RICTOR: variants seen among roughly 807,000 people sequenced by gnomAD.
RICTOR encodes the protein RPTOR independent companion of MTOR complex 2, also known as rapamycin-insensitive companion of mTOR.
A neutral mutation model predicts 214.9 loss-of-function variants in RICTOR; 49 were observed. That is an observed-to-expected ratio of 0.23 (90% CI 0.18 to 0.29). The LOEUF (loss-of-function observed/expected upper bound fraction) is 0.29, where lower values mean the gene tolerates loss of function less well. Ranked by LOEUF, RICTOR falls within the 10% of genes least tolerant of loss-of-function variation. The pLI is 1.00. For synonymous variants in RICTOR, 717 were observed against 711.3 expected, an observed-to-expected ratio of 1.01 and a Z score of -0.13; for missense variants, 1,625 against 2,047.0, an observed-to-expected ratio of 0.79 and a Z score of 3.98.
chr5:38,996,025 T>C (rs1271130822), intron 6 of RICTOR, among the ~76,000 whole-genome samples: 1 of 152,046 alleles, frequency 6.6e-6, no homozygotes, highest in Non-Finnish European at 1.5e-5. Flanking sequence ...AACATAGAAA[T>C]TGAACAGTAC....
At position 38,959,934 on chromosome 5, in the gene RICTOR, C is replaced by A. The variant is rs1242323759; in HGVS notation, c.1896G>T (p.Gln632His). Residue 632 changes from glutamine to histidine, a missense_variant, in exon 21 of 38, where the codon CAG (glutamine) becomes CAT (histidine). Transcript: ENST00000357387. ...TCATTCCAGATGAAGCATTGAGCCA[C>A]TGAACAATATCCTTTACTAGATCTT... Reference protein sequence around the residue: ...YLEDLVKDIVQWLNASSGMKP... With the variant: ...YLEDLVKDIVHWLNASSGMKP... 6.2e-7 allele frequency: 1 copy of A among 1,613,200 alleles called. No homozygotes were observed. The highest frequency in any genetic ancestry group is 2.2e-5 in the East Asian group (1 of 44,808).
At chr5:38,957,836 T>C (rs1443023221) in intron 24 of RICTOR, 106 bp from the exon 25 acceptor site, 4 of 590,936 alleles carry the variant, frequency 6.8e-6, no homozygotes, top group Admixed American at 3.3e-5. Flanking sequence ...TAAAAGACTT[T>C]AGGAATAGTT....
At chr5:39,069,912 C>T (rs1344353690) in intron 2 of RICTOR, among the ~76,000 whole-genome samples, 2 of 152,220 alleles carry the variant, frequency 1.3e-5, no homozygotes, top group Non-Finnish European at 2.9e-5. Context: ...GACAGTTAAT[C>T]ATTCTCTCCT....
At chr5:38,968,144 A>G in intron 11 of RICTOR, 114 bp from the exon 12 acceptor site, 2 of 646,190 alleles carry the variant, frequency 3.1e-6, no homozygotes, top group South Asian at 1.8e-5. Context: ...ATACAATGAC[A>G]TGTCACATAA....
intron 2 of RICTOR, among the ~76,000 whole-genome samples, chr5:39,031,308 C>T (rs948588664): frequency 6.6e-6 from 1 of 152,166 alleles, no homozygotes; most frequent in Non-Finnish European, 1.5e-5. Context: ...CCTTTAAATT[C>T]TTTTCCACCT....
intron 3 of RICTOR, among the ~76,000 whole-genome samples, chr5:39,019,655 CCTA>C (rs1755245164): frequency 6.6e-6 from 1 of 152,092 alleles, no homozygotes; most frequent in South Asian, 2.1e-4. Flanking sequence ...TGACAATGCA[CCTA>C]GTCACCCAAG....
chr5:39,027,028 T>G (rs1363548029), intron 2 of RICTOR, among the ~76,000 whole-genome samples: 1 of 151,922 alleles, frequency 6.6e-6, no homozygotes, highest in African/African-American at 2.4e-5. Context: ...AAAAATAATG[T>G]ATTACTCTCA....
intron 2 of RICTOR, among the ~76,000 whole-genome samples, chr5:39,042,673 T>C (rs910364651): frequency 2.6e-5 from 4 of 152,232 alleles, no homozygotes; most frequent in Non-Finnish European, 4.4e-5. Flanking sequence ...TATCTCCCTA[T>C]ACCACAATTC....
At chr5:39,018,935 C>T (rs919068931) in intron 3 of RICTOR, among the ~76,000 whole-genome samples, 2 of 152,122 alleles carry the variant, frequency 1.3e-5, no homozygotes, top group Non-Finnish European at 2.9e-5. Context: ...AGAAAATTAA[C>T]AGTACTACTC....
chr5:38,969,039 G>T (rs938644045), intron 11 of RICTOR, among the ~76,000 whole-genome samples: 20 of 139,988 alleles, frequency 1.4e-4, no homozygotes, highest in African/African-American at 5.3e-4. Context: ...GCACAATCTC[G>T]GCTCACTGTA....
chr5:39,057,346 G>A (rs113729929), intron 2 of RICTOR, among the ~76,000 whole-genome samples: 10 of 152,062 alleles, frequency 6.6e-5, no homozygotes, highest in Non-Finnish European at 1.3e-4. Flanking sequence ...AAAAGAAAAC[G>A]ACATCTACTT....
Position 38,949,890 on chromosome 5 carries a change from T to C in RICTOR, c.3958A>G (p.Ser1320Gly). 1 of 1,613,438 alleles carries C rather than the reference T, an allele frequency of 6.2e-7. No homozygotes were observed. Among genetic ancestry groups the C allele is most frequent in the Non-Finnish European group, 8.5e-7 (1 of 1,179,544 alleles). The change falls in exon 31 of 38, where the codon AGT (serine) becomes GGT (glycine). Residue 1320 changes from serine to glycine, a missense_variant. This residue lies in a region of RICTOR where 1,214 missense variants were observed against 1,470.5 expected (regional missense o/e 0.83). Transcript: ENST00000357387. The stretch of plus-strand genomic sequence containing the variant: ...AAAGCATCTCTAGAACTTGTGTAAC[T>C]AAAGTTACAATCTGCTAGACTTTTA... ...TIKSLADCNF[S>G]YTSSRDAFGY...
chr5:39,048,621 C>G (rs997606873), intron 2 of RICTOR, among the ~76,000 whole-genome samples: 2 of 152,192 alleles, frequency 1.3e-5, no homozygotes, highest in Non-Finnish European at 2.9e-5. Context: ...ATTCTAGATG[C>G]TTGTGCTGGT....
chr5:38,996,986 A>G, intron 5 of RICTOR, 104 bp from the exon 6 acceptor site: 2 of 758,608 alleles, frequency 2.6e-6, no homozygotes, highest in Non-Finnish European at 2.3e-6. Flanking sequence ...TCAATATGGT[A>G]TATTATTGTT....
intron 2 of RICTOR, among the ~76,000 whole-genome samples, chr5:39,072,678 T>C (rs1759404149): frequency 6.6e-6 from 1 of 152,188 alleles, no homozygotes; most frequent in African/African-American, 2.4e-5. Flanking sequence ...TAGTCAAGTT[T>C]CCAAACAGTT....
rs752200710 is a variant in RICTOR at position 38,950,757 on chromosome 5, A to G, written c.3128-37T>C. 204 of 1,500,266 alleles carry G rather than the reference A, an allele frequency of 1.4e-4. 1 individual carries two copies. The highest frequency in any genetic ancestry group is 4.6e-4 in the Admixed American group (20 of 43,340). The allele number at this position is 1,500,266 out of a possible 1,614,324, so 92.9% of individuals were successfully genotyped here. On this transcript the variant is annotated intron_variant, in intron 30 of 37. Coordinates refer to ENST00000357387, the MANE Select transcript of RICTOR (RefSeq NM_152756.5). Reference sequence around the variant, plus strand: ...GGATCAATTAATAAAAACACATATAAAATGACAAATTCATGATAACTATTA... The same window carrying G: ...GGATCAATTAATAAAAACACATATAGAATGACAAATTCATGATAACTATTA...
At position 38,962,513 on chromosome 5, in the gene RICTOR, T is replaced by C; in HGVS notation, c.1640A>G (p.Asn547Ser). 6.3e-7 allele frequency: 1 copy of C among 1,579,202 alleles called. No homozygotes were observed. The change falls in exon 18 of 38, where the codon AAT becomes AGT. Residue 547 changes from asparagine (N) to serine (S), a missense_variant. Around this residue, in one of 5 missense-constraint regions of RICTOR, gnomAD observed 1,214 missense variants for 1,470.5 expected, o/e 0.83. Coordinates refer to ENST00000357387, the MANE Select transcript of RICTOR (RefSeq NM_152756.5). Reference sequence around the variant, plus strand: ...AAGAATGGTCCCTATAAGATTCCAATTCCATTCAAGATTCTCTTTATGTTG... The same window carrying C: ...AAGAATGGTCCCTATAAGATTCCAACTCCATTCAAGATTCTCTTTATGTTG... Reference protein sequence around the residue: ...VLQHKENLEWNWNLIGTILKW... With the variant: ...VLQHKENLEWSWNLIGTILKW...
chr5:39,067,121 C>A (rs916647906), intron 2 of RICTOR, among the ~76,000 whole-genome samples: 1 of 152,174 alleles, frequency 6.6e-6, no homozygotes, highest in African/African-American at 2.4e-5. Flanking sequence ...TATAAAGAAG[C>A]ATCTGAGCCT....
In RICTOR at chr5:39,034,060, C is replaced by T. The variant is rs544510222; in HGVS notation, c.98-12924G>A. ...TTCAAGGAGAAAAGGTTATAATTAA[C>T]GGAAGAAAAAAAAGTCCTTGCTGAC... is the stretch of plus-strand genomic sequence containing the variant. On this transcript the variant is annotated intron_variant, in intron 2 of 37. Coordinates refer to ENST00000357387, the MANE Select transcript of RICTOR (RefSeq NM_152756.5). Among the ~76,000 whole-genome samples, 10 of 152,088 alleles carry T rather than the reference C, an allele frequency of 6.6e-5. No individual in the cohort carries two copies. In the South Asian group the frequency reaches 1.7e-3, roughly 25 times the overall value.
Sources: gnomAD v4.1 joint callset for allele counts (sites outside exome capture counted in the v4.1 genomes callset) on GRCh38, gnomAD v4.1.1 for gene constraint, gnomAD v4.1.1 regional missense constraint, MANE v1.5 for transcripts, NCBI Gene and HGNC (gene_info 2026-07-23, HGNC 2026-07-21) for gene names.